The following GDF6 variants were observed in gnomAD, a reference collection of about 807,000 sequenced individuals.
The protein encoded by GDF6 is growth/differentiation factor 6.
GDF6 carries 3 observed loss-of-function variants against 32.4 expected under a neutral mutation model. That is an observed-to-expected ratio of 0.09 (90% CI 0.04 to 0.24). The LOEUF is 0.24. Ranked by LOEUF, GDF6 falls within the 10% of genes least tolerant of loss-of-function variation. The pLI is 1.00. For synonymous variants in GDF6, 296 were observed against 295.3 expected (o/e 1.00, Z -0.03); for missense variants, 589 against 637.9 (o/e 0.92, Z 0.83).
intron 1 of GDF6, among the ~76,000 whole-genome samples, chr8:96,148,469 A>C (rs954403131): frequency 6.6e-6 from 1 of 152,246 alleles, no homozygotes; most frequent in Non-Finnish European, 1.5e-5. Flanking sequence ...GTGGTCTTTA[A>C]ATCTGCATCA....
rs918277475 is a variant in GDF6 at position 96,144,393 on chromosome 8, G to C, written c.*170C>G. On this transcript the variant is annotated 3_prime_UTR_variant, in exon 2 of 2. Coordinates refer to ENST00000287020, the MANE Select transcript of GDF6 (RefSeq NM_001001557.4). This position sits in a 1 kb window ranked among gnomAD's most constrained non-coding sequence, Gnocchi z 5.1. ...CTGGGCTGGCAGGTAGAAGTTACTG[G>C]GAAGGCTGCGCTCCCTTCTCTCCCA... is the stretch of plus-strand genomic sequence containing the variant. 1.4e-6 allele frequency: 1 copy of C among 725,498 alleles called. No homozygotes were observed. Among genetic ancestry groups the C allele is most frequent in the Middle Eastern group, 4.0e-4 (1 of 2,514 alleles). The allele number at this position is 725,498 out of a possible 1,614,324, so 44.9% of individuals were successfully genotyped here. A position where few individuals can be genotyped will look rare whatever the true frequency, so the allele number is the denominator to read the frequency against.
chr8:96,154,915 T>G (rs995001622), intron 1 of GDF6, among the ~76,000 whole-genome samples: 1 of 152,082 alleles, frequency 6.6e-6, no homozygotes, highest in African/African-American at 2.4e-5. Context: ...AAACATGTGG[T>G]GTTAGGGCCT....
At chr8:96,147,406 C>A (rs1340196633) in intron 1 of GDF6, among the ~76,000 whole-genome samples, 1 of 152,220 alleles carries the variant, frequency 6.6e-6, no homozygotes, top group Non-Finnish European at 1.5e-5. Context: ...TGCTCAGCCT[C>A]CACCCAGATC....
At chr8:96,156,989 G>C (rs1812675886) in intron 1 of GDF6, among the ~76,000 whole-genome samples, 1 of 152,160 alleles carries the variant, frequency 6.6e-6, no homozygotes, top group Admixed American at 6.6e-5. Context: ...GTGTGACCTC[G>C]AGCAACTTGC....
intron 1 of GDF6, among the ~76,000 whole-genome samples, chr8:96,154,704 C>G (rs369378867): frequency 6.6e-6 from 1 of 152,158 alleles, no homozygotes; most frequent in Admixed American, 6.5e-5. Context: ...CCAGGGATTA[C>G]TGTTGATTTG....
chr8:96,144,995 C>G lies in GDF6; in HGVS notation c.936G>C (p.Ser312=), dbSNP rs148861809. ...CCGGGGCGCCCGACGGCGGCGGCCA[C>G]GACCCCTCGGCGCCCGCGCCCGGGC... ...AAGPGAGAEG[S]WPPPSGAPDA... is the part of the protein sequence containing the mutation. The change falls in exon 2 of 2, where the codon TCG becomes TCC. Residue 312 remains serine (S), a synonymous_variant. Coordinates refer to ENST00000287020, the MANE Select transcript of GDF6 (RefSeq NM_001001557.4). The surrounding 1 kb of genome is among the most constrained non-coding windows in gnomAD (Gnocchi z 5.1). The G allele has an allele frequency of 0.036, 50,066 of 1,379,714 alleles. 1,047 individuals carry two copies. Among genetic ancestry groups the G allele is most frequent in the Non-Finnish European group, 0.042 (44,527 of 1,068,986 alleles). 85.5% of individuals were successfully genotyped at this position (1,379,714 alleles called of 1,614,324 possible).
intron 1 of GDF6, among the ~76,000 whole-genome samples, chr8:96,158,753 A>C (rs1183953973): frequency 6.6e-6 from 1 of 152,166 alleles, no homozygotes; most frequent in Non-Finnish European, 1.5e-5. Flanking sequence ...GGCGAGCTGC[A>C]CGGGCAGCAC....
At chr8:96,155,928 G>T (rs1171963169) in intron 1 of GDF6, among the ~76,000 whole-genome samples, 1 of 152,154 alleles carries the variant, frequency 6.6e-6, no homozygotes, top group Non-Finnish European at 1.5e-5. Flanking sequence ...TGCATAACAT[G>T]AGGTACCAGA....
rs543609967 is a variant in GDF6, at chr8:96,153,160, T to C, written c.406+7127A>G. Among the ~76,000 whole-genome samples, 5 of 152,338 alleles carry C rather than the reference T, an allele frequency of 3.3e-5. No individual in the cohort carries two copies. The South Asian group carries it at 1.0e-3, about 32-fold the overall frequency. On this transcript the variant is annotated intron_variant, in intron 1 of 1. Transcript: ENST00000287020. ...CCTCTCCCGTGAGTGCTGCTCACCC[T>C]ATCAGGAGCTCCAAGGCGCTTTAAG...
chr8:96,144,789 T>C lies in GDF6; in HGVS notation c.1142A>G (p.Tyr381Cys). The change falls in exon 2 of 2, where the codon TAT becomes TGT. Residue 381 changes from tyrosine (Y) to cysteine (C), a missense_variant. Tyr to Cys is a radical substitution (Grantham distance 194, BLOSUM62 -2). Coordinates refer to ENST00000287020, the MANE Select transcript of GDF6 (RefSeq NM_001001557.4). The surrounding 1 kb of genome is among the most constrained non-coding windows in gnomAD (Gnocchi z 5.1). ...WIIAPLEYEA[Y>C]HCEGVCDFPL... Reference sequence around the variant, plus strand: ...GAAGTCGCATACACCCTCGCAGTGATAGGCCTCGTACTCCAGGGGCGCGAT... The same window carrying C: ...GAAGTCGCATACACCCTCGCAGTGACAGGCCTCGTACTCCAGGGGCGCGAT... 3 of 1,614,072 alleles carry C rather than the reference T, an allele frequency of 1.9e-6. No individual in the cohort carries two copies. The highest frequency in any genetic ancestry group is 2.5e-6 in the Non-Finnish European group (3 of 1,180,002).
rs1226171862 is a variant in GDF6, at chr8:96,143,385, C to A, written c.*1178G>T. 6.6e-6 allele frequency: 1 copy of A among 152,646 alleles called. No homozygotes were observed. Among genetic ancestry groups the A allele is most frequent in the African/African-American group, 2.4e-5 (1 of 41,446 alleles). 9.5% of individuals were successfully genotyped at this position (152,646 alleles called of 1,614,324 possible). Reference sequence around the variant, plus strand: ...GGGACTTGTGTCCCCTTTCATCCCTCCCTTCCCCACTCCTGGCTCCTGGCC... The same window carrying A: ...GGGACTTGTGTCCCCTTTCATCCCTACCTTCCCCACTCCTGGCTCCTGGCC... On this transcript the variant is annotated 3_prime_UTR_variant, in exon 2 of 2. Coordinates refer to ENST00000287020, the MANE Select transcript of GDF6 (RefSeq NM_001001557.4).
chr8:96,160,268 C>A lies in GDF6; in HGVS notation c.406+19G>T. 1 of 1,613,938 alleles carries A rather than the reference C, an allele frequency of 6.2e-7. No homozygotes were observed. Among genetic ancestry groups the A allele is most frequent in the South Asian group, 1.1e-5 (1 of 91,054 alleles). ...GAGCTCCAGCGGGAGGGGAGTCGAG[C>A]GTTTTCTTTGCCACTTACCTAGTCC... On this transcript the variant is annotated intron_variant, in intron 1 of 1. Transcript: ENST00000287020.
Position 96,145,567 on chromosome 8 carries a change from G to T in GDF6, c.407-43C>A. On this transcript the variant is annotated intron_variant, in intron 1 of 1. Transcript: ENST00000287020. The surrounding 1 kb of genome is among the most constrained non-coding windows in gnomAD (Gnocchi z 5.6). ...ATTACAGTCAGTTTCACTTAAGGGGGAGATCAGCCCGGTGCTCTTCGGCCG... is the reference window on the plus strand; with the variant it reads ...ATTACAGTCAGTTTCACTTAAGGGGTAGATCAGCCCGGTGCTCTTCGGCCG... 1.3e-6 allele frequency: 2 copies of T among 1,596,700 alleles called. No individual in the cohort carries two copies. The highest frequency in any genetic ancestry group is 1.7e-6 in the Non-Finnish European group (2 of 1,179,334).
chr8:96,154,958 A>G (rs1287018891), intron 1 of GDF6, among the ~76,000 whole-genome samples: 3 of 152,184 alleles, frequency 2.0e-5, no homozygotes, highest in African/African-American at 7.2e-5. Context: ...CCGCGGGTCC[A>G]GGTGACACGC....
Position 96,143,355 on chromosome 8 carries a change from A to G in GDF6, c.*1208T>C, listed in dbSNP as rs1360876790. ...AACTCAGATTTTAAAGAAACTTCAG[A>G]GACAGGGACTTGTGTCCCCTTTCAT... On this transcript the variant is annotated 3_prime_UTR_variant, in exon 2 of 2. Transcript: ENST00000287020. 6.6e-6 allele frequency: 1 copy of G among 152,646 alleles called. No homozygotes were observed. The highest frequency in any genetic ancestry group is 1.9e-4 in the East Asian group (1 of 5,194). The allele number at this position is 152,646 out of a possible 1,614,324, so 9.5% of individuals were successfully genotyped here. A position where few individuals can be genotyped will look rare whatever the true frequency, so the allele number is the denominator to read the frequency against.
rs1812426344 is a variant in GDF6, at chr8:96,144,287, A to AGAGG, written c.*275_*276insCCTC. 1 of 496,986 alleles carries AGAGG rather than the reference A, an allele frequency of 2.0e-6. No individual in the cohort carries two copies. Among genetic ancestry groups the AGAGG allele is most frequent in the African/African-American group, 2.2e-5 (1 of 44,896 alleles). The allele number at this position is 496,986 out of a possible 1,614,324, so 30.8% of individuals were successfully genotyped here. On this transcript the variant is annotated 3_prime_UTR_variant, in exon 2 of 2. Transcript: ENST00000287020. The surrounding 1 kb of genome is among the most constrained non-coding windows in gnomAD (Gnocchi z 5.1). ...GAGAGAGAGAGAGAGAGAGAGAGAG[A>AGAGG]GAGAAAACAGAACAAAAGAAATCCT...
intron 1 of GDF6, among the ~76,000 whole-genome samples, chr8:96,146,707 C>CACAGAG (rs367654279): frequency 2.9e-5 from 4 of 139,918 alleles, no homozygotes; most frequent in Non-Finnish European, 4.6e-5. Flanking sequence ...CACACACACA[C>CACAGAG]AGAGAGAGAG....
chr8:96,159,471 G>C (rs913977879), intron 1 of GDF6, among the ~76,000 whole-genome samples: 1 of 152,182 alleles, frequency 6.6e-6, no homozygotes, highest in Non-Finnish European at 1.5e-5. Context: ...GGATTTCCCA[G>C]ACCCCCACCA....
At position 96,144,701 on chromosome 8, in the gene GDF6, C is replaced by T; in HGVS notation, c.1230G>A (p.Met410Ile). 1 of 1,614,152 alleles carries T rather than the reference C, an allele frequency of 6.2e-7. No individual in the cohort carries two copies. The highest frequency in any genetic ancestry group is 8.5e-7 in the Non-Finnish European group (1 of 1,180,026). The change falls in exon 2 of 2, where the codon ATG (methionine) becomes ATA (isoleucine). Residue 410 changes from methionine to isoleucine, a missense_variant. Transcript: ENST00000287020. This position sits in a 1 kb window ranked among gnomAD's most constrained non-coding sequence, Gnocchi z 5.1. Reference sequence around the variant, plus strand: ...AGCTGGGCGGGGTGGAGCCGGGGTCCATGGAGTTCATCAGCGTCTGGATGA... The same window carrying T: ...AGCTGGGCGGGGTGGAGCCGGGGTCTATGGAGTTCATCAGCGTCTGGATGA... ...HAIIQTLMNSMDPGSTPPSCC... is the reference protein window; with the variant it reads ...HAIIQTLMNSIDPGSTPPSCC...
Sources: gnomAD v4.1 joint callset for allele counts (sites outside exome capture counted in the v4.1 genomes callset) on GRCh38, gnomAD v4.1.1 for gene constraint, Gnocchi (gnomAD v3.1) non-coding constraint, MANE v1.5 for transcripts, NCBI Gene and HGNC (gene_info 2026-07-23, HGNC 2026-07-21) for gene names.